RIMBP2: variants seen among roughly 807,000 people sequenced by gnomAD.
The protein encoded by RIMBP2 is RIMS binding protein 2, also known as RIMS-binding protein 2.
RIMBP2 carries 48 observed loss-of-function variants against 118.6 expected under a neutral mutation model. The observed-to-expected ratio is 0.40, with a 90% CI of 0.32 to 0.51. RIMBP2 has a LOEUF of 0.51. Ranked by LOEUF, RIMBP2 falls within the 20% of genes least tolerant of loss-of-function variation. The pLI, the probability that RIMBP2 is intolerant of heterozygous loss-of-function variation, is 0.41. For synonymous variants in RIMBP2, 762 were observed against 742.9 expected (o/e 1.03, Z -0.42); for missense variants, 1,551 against 1,768.3 (o/e 0.88, Z 2.20).
intron 4 of RIMBP2, among the ~76,000 whole-genome samples, chr12:130,494,624 G>A (rs1195866371): frequency 1.4e-5 from 2 of 144,904 alleles, no homozygotes; most frequent in Admixed American, 7.3e-5. Context: ...GGGCAACAGA[G>A]TGAAACCCTG....
intron 1 of RIMBP2, among the ~76,000 whole-genome samples, chr12:130,674,072 C>T (rs1448171346): frequency 1.3e-5 from 2 of 152,020 alleles, no homozygotes; most frequent in Non-Finnish European, 2.9e-5. Context: ...GAGCCAAGAT[C>T]GTGCCACTGC....
chr12:130,666,220 G>A (rs1184572663), intron 1 of RIMBP2, among the ~76,000 whole-genome samples: 1 of 152,186 alleles, frequency 6.6e-6, no homozygotes, highest in East Asian at 1.9e-4. Context: ...CACCTGGGAA[G>A]TTGTTATTTT....
At chr12:130,637,722 T>C (rs1248628929) in intron 1 of RIMBP2, among the ~76,000 whole-genome samples, 1 of 150,974 alleles carries the variant, frequency 6.6e-6, no homozygotes, top group Non-Finnish European at 1.5e-5. Context: ...TGTCCTGGTG[T>C]AAATGTCCTT....
At position 130,422,912 on chromosome 12, in the gene RIMBP2, C is replaced by G. The variant is rs1464864228; in HGVS notation, c.3130-351G>C. 6.6e-6 allele frequency among the ~76,000 whole-genome samples: 1 copy of G among 152,164 alleles called. No individual in the cohort carries two copies. Among genetic ancestry groups the G allele is most frequent in the Non-Finnish European group, 1.5e-5 (1 of 68,028 alleles). ...CCTTGGCTCCTTGGAGCACCTGAGT[C>G]CCTCTTAGTCTCCACATGCCCCCCT... On this transcript the variant is annotated intron_variant, in intron 16 of 22. Transcript: ENST00000690449. The surrounding 1 kb of genome is among the most constrained non-coding windows in gnomAD (Gnocchi z 5.2).
Position 130,438,394 on chromosome 12 carries a change from C to A in RIMBP2, c.1627G>T (p.Gly543Cys). 6.2e-7 allele frequency: 1 copy of A among 1,613,360 alleles called. No homozygotes were observed. ...TGLSNGANVT[G>C]YGVYAKGQRV... ...TGCCCTTTGGCATACACGCCGTAGCCGGTAACGTTTGCGCCATTGGACAGC... is the reference window on the plus strand; with the variant it reads ...TGCCCTTTGGCATACACGCCGTAGCAGGTAACGTTTGCGCCATTGGACAGC... The change falls in exon 12 of 23, where the codon GGC (glycine) becomes TGC (cysteine). Residue 543 changes from glycine (G) to cysteine (C), a missense_variant. Transcript: ENST00000690449.
intron 2 of RIMBP2, among the ~76,000 whole-genome samples, chr12:130,615,744 C>T (rs149156117): frequency 5.5e-4 from 83 of 152,232 alleles, no homozygotes; most frequent in African/African-American, 1.9e-3. Context: ...TGGAATGTGA[C>T]ACTGTATAAG....
intron 1 of RIMBP2, among the ~76,000 whole-genome samples, chr12:130,691,292 C>T (rs75862904): frequency 3.3e-5 from 5 of 152,160 alleles, no homozygotes; most frequent in African/African-American, 9.7e-5. Context: ...GGAACCAACC[C>T]GAGGAATGTG....
intron 1 of RIMBP2, among the ~76,000 whole-genome samples, chr12:130,705,005 C>T (rs1476795451): frequency 6.6e-6 from 1 of 152,212 alleles, no homozygotes. Flanking sequence ...TCTCTTCTCT[C>T]ATAGATCTAG....
At chr12:130,676,298 G>A (rs1282779476) in intron 1 of RIMBP2, among the ~76,000 whole-genome samples, 2 of 141,820 alleles carry the variant, frequency 1.4e-5, no homozygotes, top group Admixed American at 7.3e-5. Context: ...AAATCCAAAT[G>A]TCCCTCAGTG....
intron 2 of RIMBP2, among the ~76,000 whole-genome samples, chr12:130,524,773 G>A (rs996422426): frequency 2.0e-5 from 3 of 152,206 alleles, no homozygotes; most frequent in Non-Finnish European, 4.4e-5. Flanking sequence ...TGAGATTATG[G>A]CAGCAGAAAG....
chr12:130,709,928 G>A (rs1233100136), intron 1 of RIMBP2, among the ~76,000 whole-genome samples: 4 of 152,110 alleles, frequency 2.6e-5, no homozygotes, highest in Admixed American at 1.3e-4. Flanking sequence ...GGGAAGGAGC[G>A]CGGTAAGAGG....
In RIMBP2 at chr12:130,399,619, T is replaced by C. The variant is rs532970818; in HGVS notation, c.3900+60A>G. ...TATAAAAATATCAGTGCAAAGATTG[T>C]ATTAGACCACATATGGCAGAACGGG... On this transcript the variant is annotated intron_variant, in intron 22 of 22. Coordinates refer to ENST00000690449, the MANE Select transcript of RIMBP2 (RefSeq NM_001393629.1). 9 of 1,587,030 alleles carry C rather than the reference T, an allele frequency of 5.7e-6. 1 individual carries two copies. In the Admixed American group the frequency reaches 1.5e-4, roughly 27 times the overall value.
At position 130,424,067 on chromosome 12, in the gene RIMBP2, A is replaced by G. The variant is rs1285529558; in HGVS notation, c.3129+75T>C. 3 of 833,424 alleles carry G rather than the reference A, an allele frequency of 3.6e-6. No individual in the cohort carries two copies. Among genetic ancestry groups the G allele is most frequent in the Non-Finnish European group, 4.8e-6 (3 of 623,954 alleles). The allele number at this position is 833,424 out of a possible 1,614,324, so 51.6% of individuals were successfully genotyped here. A position where few individuals can be genotyped will look rare whatever the true frequency, so the allele number is the denominator to read the frequency against. On this transcript the variant is annotated intron_variant, in intron 16 of 22. Transcript: ENST00000690449. This position sits in a 1 kb window ranked among gnomAD's most constrained non-coding sequence, Gnocchi z 9.8. ...AGTCCCCAGGGATGGACACCAGAACAAACAGAAAACCAGTGAAAGGATGGG... is the reference window on the plus strand; with the variant it reads ...AGTCCCCAGGGATGGACACCAGAACGAACAGAAAACCAGTGAAAGGATGGG...
intron 1 of RIMBP2, among the ~76,000 whole-genome samples, chr12:130,706,976 G>C (rs1218218167): frequency 2.0e-5 from 3 of 152,190 alleles, no homozygotes; most frequent in African/African-American, 7.2e-5. Context: ...CCATGGAAGA[G>C]AGAAAAATCC....
Position 130,478,924 on chromosome 12 carries a change from G to A in RIMBP2, c.90C>T (p.Asp30=), listed in dbSNP as rs1006555593. ...GCCCGCCGCTTACCTTCTGCAGAAG[G>A]TCAATTTCCTGCTGCTTGGCACTGA... The part of the protein sequence containing the change: ...AVLSAKQQEI[D]LLQKAQVEAK... Residue 30 remains aspartate, a synonymous_variant, in exon 5 of 23, where the codon GAC becomes GAT. Coordinates refer to ENST00000690449, the MANE Select transcript of RIMBP2 (RefSeq NM_001393629.1). The A allele has an allele frequency of 2.5e-6, 4 of 1,613,022 alleles. No individual in the cohort carries two copies. Among genetic ancestry groups the A allele is most frequent in the Non-Finnish European group, 2.5e-6 (3 of 1,179,548 alleles).
In RIMBP2 at chr12:130,494,789, G is replaced by C. The variant is rs1593521398; in HGVS notation, c.-4+11859C>G. Among the ~76,000 whole-genome samples, 3 of 152,204 alleles carry C rather than the reference G, an allele frequency of 2.0e-5. No homozygotes were observed. The East Asian group carries it at 5.8e-4, about 29-fold the overall frequency. ...TGTCCAGAGCACTTGGCCTTATGTG[G>C]GAAAAGGATGCATTTGTGACCGCTG... On this transcript the variant is annotated intron_variant, in intron 4 of 22. Coordinates refer to ENST00000690449, the MANE Select transcript of RIMBP2 (RefSeq NM_001393629.1).
chr12:130,410,877 C>G lies in RIMBP2; in HGVS notation c.3589+1742G>C, dbSNP rs150158855. Among the ~76,000 whole-genome samples the G allele has an allele frequency of 1.0e-3, 156 of 152,302 alleles. 2 individuals carry two copies. In the Middle Eastern group the frequency reaches 0.014, roughly 13 times the overall value. On this transcript the variant is annotated intron_variant, in intron 19 of 22. Coordinates refer to ENST00000690449, the MANE Select transcript of RIMBP2 (RefSeq NM_001393629.1). Reference sequence around the variant, plus strand: ...CTCTCCATATACATTTTAGAATTAGCTTGTTGATTCTACATAAATCCCAGC... The same window carrying G: ...CTCTCCATATACATTTTAGAATTAGGTTGTTGATTCTACATAAATCCCAGC...
intron 1 of RIMBP2, among the ~76,000 whole-genome samples, chr12:130,713,824 C>T (rs574037227): frequency 2.0e-5 from 3 of 152,208 alleles, no homozygotes; most frequent in Non-Finnish European, 4.4e-5. Flanking sequence ...ACCTATGAGG[C>T]GTGCACTCAG....
intron 1 of RIMBP2, among the ~76,000 whole-genome samples, chr12:130,700,358 G>C (rs59139889): frequency 6.6e-6 from 1 of 152,106 alleles, no homozygotes; most frequent in Non-Finnish European, 1.5e-5. Flanking sequence ...GGTCAACCAC[G>C]GCAGTGGACT....
Sources: gnomAD v4.1 joint callset for allele counts (sites outside exome capture counted in the v4.1 genomes callset) on GRCh38, gnomAD v4.1.1 for gene constraint, Gnocchi (gnomAD v3.1) non-coding constraint, MANE v1.5 for transcripts, NCBI Gene and HGNC (gene_info 2026-07-23, HGNC 2026-07-21) for gene names.